SZRD1: variants seen among roughly 807,000 people sequenced by gnomAD.
SZRD1 encodes the protein SUZ RNA binding domain containing 1, also known as SUZ RNA-binding domain-containing.
A neutral mutation model predicts 17.6 loss-of-function variants in SZRD1; 7 were observed. That is an observed-to-expected ratio of 0.40 (90% CI 0.23 to 0.75). The LOEUF (loss-of-function observed/expected upper bound fraction) is 0.75, where lower values mean the gene tolerates loss of function less well. Among genes scored for constraint, SZRD1 ranks in the 30% least tolerant of loss-of-function variants. The probability of loss-of-function intolerance (pLI) is 0.38; values close to 1 mark genes in which losing one functional copy is unlikely to be tolerated. For missense variants in SZRD1, 178 were observed against 201.8 expected, an observed-to-expected ratio of 0.88 and a Z score of 0.71; for synonymous variants, 77 against 77.9, an observed-to-expected ratio of 0.99 and a Z score of 0.06.
intron 1 of SZRD1, among the ~76,000 whole-genome samples, chr1:16,368,542 G>A (rs2082861182): frequency 6.6e-6 from 1 of 152,176 alleles, no homozygotes; most frequent in South Asian, 2.1e-4. Flanking sequence ...TTCGTTCAGA[G>A]GATATTTAGT....
intron 1 of SZRD1, among the ~76,000 whole-genome samples, chr1:16,381,847 C>G (rs963718312): frequency 6.6e-6 from 1 of 151,732 alleles, no homozygotes; most frequent in African/African-American, 2.4e-5. Flanking sequence ...CAGGTTTGAA[C>G]CCAGGAGGTG....
At chr1:16,376,532 G>A (rs774628760) in intron 1 of SZRD1, among the ~76,000 whole-genome samples, 11 of 152,126 alleles carry the variant, frequency 7.2e-5, no homozygotes, top group African/African-American at 1.4e-4. Context: ...TGGGCAGGGC[G>A]CATTGGGTCA....
chr1:16,391,498 G>A lies in SZRD1; in HGVS notation c.101+74G>A, dbSNP rs538767701. The A allele has an allele frequency of 2.3e-6, 3 of 1,320,316 alleles. No homozygotes were observed. In the Admixed American group the frequency reaches 6.4e-5, roughly 28 times the overall value. The allele number at this position is 1,320,316 out of a possible 1,614,324, so 81.8% of individuals were successfully genotyped here. A position where few individuals can be genotyped will look rare whatever the true frequency, so the allele number is the denominator to read the frequency against. On this transcript the variant is annotated intron_variant, in intron 2 of 3. Coordinates refer to ENST00000401088, the MANE Select transcript of SZRD1 (RefSeq NM_001114600.3). The surrounding 1 kb of genome is among the most constrained non-coding windows in gnomAD (Gnocchi z 4.3). ...GCCGGGCAGTCAGTGGTGTTCTCCA[G>A]CTGGCCATTAGGATTAGCAGGTCCT...
At chr1:16,395,001 C>G in intron 3 of SZRD1, 37 bp from the exon 4 acceptor site, 1 of 1,180,770 alleles carries the variant, frequency 8.5e-7, no homozygotes, top group Non-Finnish European at 1.3e-6. Flanking sequence ...TCTATTATAT[C>G]CTTCTTCAGG....
chr1:16,394,516 A>G (rs1209016777), intron 3 of SZRD1, among the ~76,000 whole-genome samples: 1 of 152,180 alleles, frequency 6.6e-6, no homozygotes, highest in Non-Finnish European at 1.5e-5. Flanking sequence ...GCAGGGGGAA[A>G]GGATGCTGTA....
At chr1:16,388,435 T>G (rs1394011264) in intron 1 of SZRD1, among the ~76,000 whole-genome samples, 2 of 152,060 alleles carry the variant, frequency 1.3e-5, no homozygotes, top group African/African-American at 4.8e-5. Context: ...AAACACAAGT[T>G]AGTACCAATC....
chr1:16,377,607 C>T (rs2083027628), intron 1 of SZRD1, among the ~76,000 whole-genome samples: 1 of 151,380 alleles, frequency 6.6e-6, no homozygotes, highest in Non-Finnish European at 1.5e-5. Flanking sequence ...TTCTCTCTGC[C>T]AGTTAACGGC....
rs148945286 is a variant in SZRD1, at chr1:16,389,982, G to T, written c.52-1393G>T. Among the ~76,000 whole-genome samples the T allele has an allele frequency of 4.3e-3, 651 of 152,330 alleles. 3 individuals carry two copies. The highest frequency in any genetic ancestry group is 7.3e-3 in the Non-Finnish European group (495 of 68,032). The stretch of plus-strand genomic sequence containing the variant: ...TGTGGGGCTGTCCTGTACACTGTAG[G>T]ACATTTAGCATTTCCCCAATAGTGG... On this transcript the variant is annotated intron_variant, in intron 1 of 3. Transcript: ENST00000401088.
At chr1:16,377,409 CCT>C (rs1365464679) in intron 1 of SZRD1, among the ~76,000 whole-genome samples, 2 of 151,916 alleles carry the variant, frequency 1.3e-5, no homozygotes, top group Non-Finnish European at 2.9e-5. Context: ...ATGGTGAAAC[CCT>C]GTCACTACTA....
intron 1 of SZRD1, among the ~76,000 whole-genome samples, chr1:16,384,514 A>G (rs1005047049): frequency 6.6e-6 from 1 of 152,152 alleles, no homozygotes; most frequent in Middle Eastern, 3.2e-3. Flanking sequence ...TGAAATTGGG[A>G]ATTCTGATTC....
chr1:16,389,533 G>A (rs147753835), intron 1 of SZRD1, among the ~76,000 whole-genome samples: 2,703 of 149,454 alleles, frequency 0.018, 83 homozygotes, highest in African/African-American at 0.062. Flanking sequence ...GGATGGTCTC[G>A]ATCTCCTGAC....
intron 2 of SZRD1, among the ~76,000 whole-genome samples, chr1:16,392,976 G>T (rs1434354869): frequency 6.6e-6 from 1 of 152,218 alleles, no homozygotes; most frequent in African/African-American, 2.4e-5. Flanking sequence ...ATGAGGTGGC[G>T]TTCCAGCCCC....
At chr1:16,373,396 A>G (rs1348892454) in intron 1 of SZRD1, among the ~76,000 whole-genome samples, 1 of 151,922 alleles carries the variant, frequency 6.6e-6, no homozygotes, top group African/African-American at 2.4e-5. Flanking sequence ...CTTGACCAAC[A>G]TGGAGAAACC....
intron 1 of SZRD1, among the ~76,000 whole-genome samples, chr1:16,379,025 C>T (rs2083050002): frequency 6.6e-6 from 1 of 151,990 alleles, no homozygotes; most frequent in African/African-American, 2.4e-5. Flanking sequence ...CTGTGCCCGA[C>T]CTCCTTATAT....
rs137908348 is a variant in SZRD1 at position 16,392,301 on chromosome 1, G to A, written c.101+877G>A. ...CAGCCAAGGCTCTGGAAGCAGGCTT[G>A]TTTGGTTCTGAAGAGAAGCTGGTTG... is the stretch of plus-strand genomic sequence containing the variant. On this transcript the variant is annotated intron_variant, in intron 2 of 3. Transcript: ENST00000401088. Among the ~76,000 whole-genome samples, 79 of 152,296 alleles carry A rather than the reference G, an allele frequency of 5.2e-4. 1 individual carries two copies. The highest frequency in any genetic ancestry group is 1.9e-3 in the African/African-American group (79 of 41,552).
intron 2 of SZRD1, among the ~76,000 whole-genome samples, chr1:16,392,221 C>T (rs993892284): frequency 1.3e-5 from 2 of 152,168 alleles, no homozygotes; most frequent in African/African-American, 4.8e-5. Flanking sequence ...GTGTCCTACC[C>T]GAGACTTGTT....
intron 1 of SZRD1, among the ~76,000 whole-genome samples, chr1:16,389,080 CTTTTTTTTTTTT>C (rs779460255): frequency 2.6e-5 from 3 of 114,898 alleles, no homozygotes; most frequent in East Asian, 2.5e-4. Context: ...TAGTTATTTC[CTTTTTTTTTTTT>C]TTTTTTTTTG....
chr1:16,398,081 G>A lies in SZRD1; in HGVS notation c.*2941G>A. On this transcript the variant is annotated 3_prime_UTR_variant, in exon 4 of 4. Transcript: ENST00000401088. Reference sequence around the variant, plus strand: ...ACTCCCACCCCACCCTGCACCGCGGGCTCCTGAGTCGGCAGATTAAGCATT... The same window carrying A: ...ACTCCCACCCCACCCTGCACCGCGGACTCCTGAGTCGGCAGATTAAGCATT... The A allele has an allele frequency of 5.7e-6, 5 of 879,742 alleles. No homozygotes were observed. Among genetic ancestry groups the A allele is most frequent in the Non-Finnish European group, 5.5e-6 (4 of 733,686 alleles). 54.5% of individuals were successfully genotyped at this position (879,742 alleles called of 1,614,324 possible).
chr1:16,374,985 C>A (rs188258666), intron 1 of SZRD1, among the ~76,000 whole-genome samples: 1 of 151,948 alleles, frequency 6.6e-6, no homozygotes, highest in African/African-American at 2.4e-5. Context: ...TCGAGCGATT[C>A]TCCTGCCTCA....
Sources: gnomAD v4.1 joint callset for allele counts (sites outside exome capture counted in the v4.1 genomes callset) on GRCh38, gnomAD v4.1.1 for gene constraint, Gnocchi (gnomAD v3.1) non-coding constraint, MANE v1.5 for transcripts, NCBI Gene and HGNC (gene_info 2026-07-23, HGNC 2026-07-21) for gene names.